Variants in CCR9 observed in about 807,000 individuals in gnomAD.
The protein encoded by CCR9 is C-C motif chemokine receptor 9.
CCR9 carries 4 observed loss-of-function variants against 8.7 expected under a neutral mutation model. The ratio of observed to expected loss-of-function variants is 0.46; its 90% CI spans 0.23 to 1.06. CCR9 has a LOEUF of 1.06. CCR9 is among the 50% of genes least tolerant of loss of function. The pLI, the probability that CCR9 is intolerant of heterozygous loss-of-function variation, is 0.21. For synonymous variants in CCR9, 159 were observed against 168.8 expected (o/e 0.94, Z 0.45); for missense variants, 394 against 453.6 (o/e 0.87, Z 1.19).
intron 2 of CCR9, among the ~76,000 whole-genome samples, chr3:45,898,237 A>G (rs1255508380): frequency 6.6e-6 from 1 of 152,034 alleles, no homozygotes; most frequent in East Asian, 1.9e-4. Flanking sequence ...AGTCCACTCA[A>G]ACCTCACCTC....
At chr3:45,893,374 C>T (rs548067444) in intron 1 of CCR9, among the ~76,000 whole-genome samples, 1 of 152,198 alleles carries the variant, frequency 6.6e-6, no homozygotes, top group South Asian at 2.1e-4. Context: ...AGACTGGTCT[C>T]GAACTCCCAA....
chr3:45,901,720 G>C lies in CCR9; in HGVS notation c.932G>C (p.Cys311Ser), dbSNP rs201726828. ...CAGACCATCGCCTTCTTCCACAGTT[G>C]CCTGAACCCTGTTCTCTATGTTTTT... Reference protein sequence around the residue: ...VTQTIAFFHSCLNPVLYVFVG... With the variant: ...VTQTIAFFHSSLNPVLYVFVG... The change falls in exon 3 of 3, where the codon TGC (cysteine) becomes TCC (serine). Residue 311 changes from cysteine to serine, a missense_variant. Transcript: ENST00000357632. This position sits in a 1 kb window ranked among gnomAD's most constrained non-coding sequence, Gnocchi z 4.3. 6.2e-7 allele frequency: 1 copy of C among 1,614,016 alleles called. No homozygotes were observed. Among genetic ancestry groups the C allele is most frequent in the African/African-American group, 1.3e-5 (1 of 74,890 alleles).
At chr3:45,897,932 C>T (rs927014657) in intron 2 of CCR9, among the ~76,000 whole-genome samples, 5 of 139,372 alleles carry the variant, frequency 3.6e-5, no homozygotes, top group South Asian at 2.6e-4. Context: ...GCTTCACAGC[C>T]GTGGGCTCAG....
rs1047421286 is a variant in CCR9 at position 45,900,071 on chromosome 3, C to T, written c.22-739C>T. Among the ~76,000 whole-genome samples, 6 of 152,118 alleles carry T rather than the reference C, an allele frequency of 3.9e-5. No homozygotes were observed. Among genetic ancestry groups the T allele is most frequent in the African/African-American group, 7.2e-5 (3 of 41,414 alleles). ...ATGCATGTACATATGAGTGTGTGTG[C>T]TTGTTGGGGCCAGCTTCATGGCTGT... On this transcript the variant is annotated intron_variant, in intron 2 of 2. Coordinates refer to ENST00000357632, the MANE Select transcript of CCR9 (RefSeq NM_031200.3). The surrounding 1 kb of genome is among the most constrained non-coding windows in gnomAD (Gnocchi z 4.7).
At position 45,901,117 on chromosome 3, in the gene CCR9, A is replaced by G; in HGVS notation, c.329A>G (p.Asp110Gly). 1.2e-6 allele frequency: 2 copies of G among 1,614,074 alleles called. No homozygotes were observed. Among genetic ancestry groups the G allele is most frequent in the Non-Finnish European group, 1.7e-6 (2 of 1,180,012 alleles). ...TLPFWAIAAA[D>G]QWKFQTFMCK... ...CCCTTCTGGGCCATTGCTGCTGCTG[A>G]CCAGTGGAAGTTCCAGACCTTCATG... Residue 110 changes from aspartate to glycine, a missense_variant, in exon 3 of 3, where the codon GAC becomes GGC. Transcript: ENST00000357632. The surrounding 1 kb of genome is among the most constrained non-coding windows in gnomAD (Gnocchi z 4.3).
chr3:45,890,354 T>TATATATGTTATATATATATTTATATAA (rs1702138897), intron 1 of CCR9, among the ~76,000 whole-genome samples: 1 of 3,368 alleles, frequency 3.0e-4, no homozygotes, highest in South Asian at 8.5e-3. Flanking sequence ...ATATAACATA[T>TATATATGTTATATATATATTTATATAA]ATATATATAT....
intron 2 of CCR9, chr3:45,897,647 G>A: frequency 6.6e-7 from 1 of 1,518,944 alleles, no homozygotes; most frequent in Admixed American, 2.0e-5. Flanking sequence ...GACTAACACA[G>A]CTAAGTGATG....
chr3:45,890,348 A>ATT (rs1184589760), intron 1 of CCR9, among the ~76,000 whole-genome samples: 4 of 5,374 alleles, frequency 7.4e-4, no homozygotes, highest in Non-Finnish European at 1.1e-3. Flanking sequence ...ATATATATAT[A>ATT]ACATATATAT....
At chr3:45,896,381 A>C (rs1040628132) in intron 2 of CCR9, among the ~76,000 whole-genome samples, 5 of 152,230 alleles carry the variant, frequency 3.3e-5, no homozygotes, top group African/African-American at 1.2e-4. Context: ...AATGGGAAGA[A>C]GATGGGACCC....
chr3:45,899,360 A>G (rs1017685393), intron 2 of CCR9, among the ~76,000 whole-genome samples: 2 of 152,246 alleles, frequency 1.3e-5, no homozygotes, highest in African/African-American at 4.8e-5. Context: ...ATTACAATGT[A>G]TACAGATAGG....
intron 1 of CCR9, among the ~76,000 whole-genome samples, chr3:45,890,306 T>TA (rs1702122094): frequency 6.5e-5 from 1 of 15,466 alleles, no homozygotes; most frequent in Non-Finnish European, 9.8e-5. Flanking sequence ...ATATATAACA[T>TA]ATATATATAT....
At chr3:45,890,437 A>G (rs1322571231) in intron 1 of CCR9, among the ~76,000 whole-genome samples, 2 of 145,546 alleles carry the variant, frequency 1.4e-5, no homozygotes, top group African/African-American at 5.1e-5. Flanking sequence ...TAATAAAATA[A>G]AATTTGCTGA....
chr3:45,900,008 T>G lies in CCR9; in HGVS notation c.22-802T>G, dbSNP rs1702495347. 6.6e-6 allele frequency among the ~76,000 whole-genome samples: 1 copy of G among 152,172 alleles called. No homozygotes were observed. The highest frequency in any genetic ancestry group is 2.1e-4 in the South Asian group (1 of 4,828). Reference sequence around the variant, plus strand: ...ATGTGAGCATGAGTGTTGGCATGTTTGTGTACGAGAGCATGTGCAAGTGCA... The same window carrying G: ...ATGTGAGCATGAGTGTTGGCATGTTGGTGTACGAGAGCATGTGCAAGTGCA... On this transcript the variant is annotated intron_variant, in intron 2 of 2. Transcript: ENST00000357632. This position sits in a 1 kb window ranked among gnomAD's most constrained non-coding sequence, Gnocchi z 4.7.
intron 2 of CCR9, among the ~76,000 whole-genome samples, chr3:45,898,491 T>C (rs1421030868): frequency 6.6e-6 from 1 of 152,262 alleles, no homozygotes; most frequent in Non-Finnish European, 1.5e-5. Context: ...TTTAGTTCTT[T>C]GCGTTTGTGG....
At chr3:45,891,148 C>T (rs1171283544) in intron 1 of CCR9, among the ~76,000 whole-genome samples, 1 of 152,174 alleles carries the variant, frequency 6.6e-6, no homozygotes, top group Non-Finnish European at 1.5e-5. Context: ...TTCCTGGCCC[C>T]CAGAGGGCTG....
At chr3:45,892,505 A>G (rs1473479754) in intron 1 of CCR9, among the ~76,000 whole-genome samples, 1 of 152,146 alleles carries the variant, frequency 6.6e-6, no homozygotes, top group African/African-American at 2.4e-5. Flanking sequence ...TGGGAGCTAA[A>G]TGTTGAGTAC....
At chr3:45,897,256 T>G (rs925121982) in intron 2 of CCR9, among the ~76,000 whole-genome samples, 2 of 152,198 alleles carry the variant, frequency 1.3e-5, no homozygotes, top group African/African-American at 4.8e-5. Flanking sequence ...TGTTCCAGGA[T>G]TCCTCTCGTG....
chr3:45,895,063 C>T, intron 2 of CCR9, 109 bp downstream of exon 2: 1 of 1,202,212 alleles, frequency 8.3e-7, no homozygotes, highest in East Asian at 2.3e-5. Flanking sequence ...GTGTGGTTTC[C>T]CAGGGTAAGA....
intron 1 of CCR9, among the ~76,000 whole-genome samples, chr3:45,890,348 A>T (rs375090255): frequency 0.034 from 175 of 5,142 alleles, no homozygotes; most frequent in African/African-American, 0.094. Context: ...ATATATATAT[A>T]ACATATATAT....
Sources: allele counts gnomAD v4.1 joint callset (sites outside exome capture counted in the v4.1 genomes callset), GRCh38; gene constraint gnomAD v4.1.1; non-coding constraint Gnocchi (gnomAD v3.1); transcripts MANE v1.5; gene names NCBI Gene and HGNC (gene_info 2026-07-23, HGNC 2026-07-21).